The following OTUD3 variants were observed in gnomAD, a reference collection of about 807,000 sequenced individuals.
OTUD3 encodes the protein OTU domain-containing protein 3.
In OTUD3, 24 loss-of-function variants were observed where a neutral mutation model predicts 46.2. That is an observed-to-expected ratio of 0.52 (90% CI 0.38 to 0.73). The LOEUF is 0.73. OTUD3 is among the 30% of genes least tolerant of loss of function. OTUD3 has a pLI of 0.00. For missense variants in OTUD3, 455 were observed against 523.3 expected (o/e 0.87, Z 1.27); for synonymous variants, 189 against 195.4 (o/e 0.97, Z 0.27).
At chr1:19,895,529 A>T (rs1400704884) in intron 3 of OTUD3, among the ~76,000 whole-genome samples, 1 of 152,208 alleles carries the variant, frequency 6.6e-6, no homozygotes, top group East Asian at 1.9e-4. Flanking sequence ...TAAAGAATGC[A>T]GCCTTTTGTC....
At chr1:19,888,567 G>T (rs143308088) in intron 1 of OTUD3, among the ~76,000 whole-genome samples, 49 of 152,288 alleles carry the variant, frequency 3.2e-4, no homozygotes, top group African/African-American at 1.1e-3. Flanking sequence ...CTGCTGCCTA[G>T]GGGTAACTAT....
At chr1:19,883,437 A>G (rs1042252934) in intron 1 of OTUD3, among the ~76,000 whole-genome samples, 2 of 152,166 alleles carry the variant, frequency 1.3e-5, no homozygotes, top group Admixed American at 6.5e-5. Flanking sequence ...TGGAAGAAGG[A>G]AAAGGGTCAG....
intron 4 of OTUD3, among the ~76,000 whole-genome samples, chr1:19,899,155 C>A (rs11799685): frequency 0.068 from 10,371 of 152,136 alleles, 453 homozygotes; most frequent in African/African-American, 0.12. Flanking sequence ...GATTAGAATT[C>A]AAAATATGTA....
At chr1:19,900,018 G>A (rs529592460) in intron 4 of OTUD3, among the ~76,000 whole-genome samples, 4 of 152,102 alleles carry the variant, frequency 2.6e-5, no homozygotes, top group South Asian at 2.1e-4. Flanking sequence ...TCTGTCATTT[G>A]TCTTTTTGTT....
rs1033472820 is a variant in OTUD3 at position 19,912,438 on chromosome 1, A to T, written c.*4692A>T. The T allele has an allele frequency of 6.5e-5, 10 of 152,980 alleles. No individual in the cohort carries two copies. Among genetic ancestry groups the T allele is most frequent in the African/African-American group, 2.4e-4 (10 of 41,454 alleles). The allele number at this position is 152,980 out of a possible 1,614,324, so 9.5% of individuals were successfully genotyped here. On this transcript the variant is annotated 3_prime_UTR_variant, in exon 8 of 8. Coordinates refer to ENST00000375120, the MANE Select transcript of OTUD3 (RefSeq NM_015207.2). ...TCTTCCAGAGCCTCCACCAGCACTA[A>T]GCTCAGAGGAAAGAAGAAAAGGGCC...
rs1475817595 is a variant in OTUD3, at chr1:19,909,826, T to G, written c.*2080T>G. ...ATTAAAGAATATTGGGAACATTTAT[T>G]TTTTAAATTACCTAATTCTGGTAAT... On this transcript the variant is annotated 3_prime_UTR_variant, in exon 8 of 8. Coordinates refer to ENST00000375120, the MANE Select transcript of OTUD3 (RefSeq NM_015207.2). 6.6e-6 allele frequency: 1 copy of G among 152,378 alleles called. No individual in the cohort carries two copies. The highest frequency in any genetic ancestry group is 1.5e-5 in the Non-Finnish European group (1 of 68,044). The allele number at this position is 152,378 out of a possible 1,614,324, so 9.4% of individuals were successfully genotyped here. A position where few individuals can be genotyped will look rare whatever the true frequency, so the allele number is the denominator to read the frequency against.
In OTUD3 at chr1:19,909,182, G is replaced by C. The variant is rs933546625; in HGVS notation, c.*1436G>C. ...AATTATAAAAATTCGGAGGCAAATT[G>C]AAAACTAAAATGTTTGGTAGGCCCT... On this transcript the variant is annotated 3_prime_UTR_variant, in exon 8 of 8. Transcript: ENST00000375120. 1 of 152,004 alleles carries C rather than the reference G, an allele frequency of 6.6e-6. No individual in the cohort carries two copies. The highest frequency in any genetic ancestry group is 1.5e-5 in the Non-Finnish European group (1 of 68,022). 9.4% of individuals were successfully genotyped at this position (152,004 alleles called of 1,614,324 possible). A position where few individuals can be genotyped will look rare whatever the true frequency, so the allele number is the denominator to read the frequency against.
chr1:19,895,478 C>T (rs1225137160), intron 3 of OTUD3, among the ~76,000 whole-genome samples: 1 of 152,226 alleles, frequency 6.6e-6, no homozygotes, highest in African/African-American at 2.4e-5. Flanking sequence ...AGCCCATTCT[C>T]TGATTTGTCC....
chr1:19,885,185 C>T (rs1167594237), intron 1 of OTUD3, among the ~76,000 whole-genome samples: 1 of 152,174 alleles, frequency 6.6e-6, no homozygotes. Flanking sequence ...AAGCTAGGCT[C>T]CAGAAACCAG....
At chr1:19,898,162 G>C (rs538857662) in intron 4 of OTUD3, among the ~76,000 whole-genome samples, 8 of 151,832 alleles carry the variant, frequency 5.3e-5, no homozygotes, top group Non-Finnish European at 1.0e-4. Context: ...TGGTCATGCT[G>C]GTCTCAAGCT....
intron 1 of OTUD3, among the ~76,000 whole-genome samples, chr1:19,883,816 GT>G (rs2045314818): frequency 6.6e-6 from 1 of 152,182 alleles, no homozygotes; most frequent in Non-Finnish European, 1.5e-5. Context: ...AGAATAAGGT[GT>G]TTTAAAAATT....
At chr1:19,883,027 G>T (rs952416877) in intron 1 of OTUD3, among the ~76,000 whole-genome samples, 1 of 152,234 alleles carries the variant, frequency 6.6e-6, no homozygotes, top group Non-Finnish European at 1.5e-5. Context: ...ATTGTGGCCA[G>T]GAAGGGCTCT....
chr1:19,898,652 T>TG (rs2045548210), intron 4 of OTUD3, among the ~76,000 whole-genome samples: 1 of 150,102 alleles, frequency 6.7e-6, no homozygotes, highest in African/African-American at 2.5e-5. Context: ...CACTTGTACC[T>TG]GGGAGGTGGA....
Position 19,890,494 on chromosome 1 carries a change from G to C in OTUD3, c.331G>C (p.Glu111Gln). Residue 111 changes from glutamate to glutamine, a missense_variant, in exon 2 of 8, where the codon GAA (glutamate) becomes CAA (glutamine). Transcript: ENST00000375120. ...CATGATAAAGCAGCGGGAAGATTTT[G>C]AACCCTTTGTAGAAGATGACATTCC... ...DYMIKQREDFEPFVEDDIPFE... is the reference protein window; with the variant it reads ...DYMIKQREDFQPFVEDDIPFE... 5 of 1,613,948 alleles carry C rather than the reference G, an allele frequency of 3.1e-6. No homozygotes were observed. The highest frequency in any genetic ancestry group is 4.2e-6 in the Non-Finnish European group (5 of 1,179,838).
In OTUD3 at chr1:19,911,823, G is replaced by T. The variant is rs1345650574; in HGVS notation, c.*4077G>T. On this transcript the variant is annotated 3_prime_UTR_variant, in exon 8 of 8. Transcript: ENST00000375120. ...GAGAACACGGAGCACCAGTCACCAC[G>T]TGCACTTAGGATGCAGAGCTTACCG... 3 of 152,334 alleles carry T rather than the reference G, an allele frequency of 2.0e-5. No individual in the cohort carries two copies. Among genetic ancestry groups the T allele is most frequent in the Non-Finnish European group, 4.4e-5 (3 of 68,040 alleles). 9.4% of individuals were successfully genotyped at this position (152,334 alleles called of 1,614,324 possible).
At chr1:19,892,463 T>G (rs2045460093) in intron 2 of OTUD3, among the ~76,000 whole-genome samples, 1 of 152,174 alleles carries the variant, frequency 6.6e-6, no homozygotes, top group Non-Finnish European at 1.5e-5. Flanking sequence ...AGTGAATAAA[T>G]GAATGGTTCA....
chr1:19,897,909 T>A, intron 4 of OTUD3: 1 of 277,710 alleles, frequency 3.6e-6, no homozygotes, highest in Non-Finnish European at 6.6e-6. Flanking sequence ...ATACATGGAA[T>A]TTTAAAATTA....
rs1203706937 is a variant in OTUD3 at position 19,909,684 on chromosome 1, A to G, written c.*1938A>G. ...TTGTATGCCAGAAATTCAGATTAGCAGTCAGCTTAAGAGAGACTTATTGTC... is the reference window on the plus strand; with the variant it reads ...TTGTATGCCAGAAATTCAGATTAGCGGTCAGCTTAAGAGAGACTTATTGTC... On this transcript the variant is annotated 3_prime_UTR_variant, in exon 8 of 8. Transcript: ENST00000375120. 1 of 152,386 alleles carries G rather than the reference A, an allele frequency of 6.6e-6. No individual in the cohort carries two copies. Among genetic ancestry groups the G allele is most frequent in the Non-Finnish European group, 1.5e-5 (1 of 68,048 alleles). The allele number at this position is 152,386 out of a possible 1,614,324, so 9.4% of individuals were successfully genotyped here.
intron 3 of OTUD3, among the ~76,000 whole-genome samples, chr1:19,896,914 CT>C (rs1162825827): frequency 6.6e-6 from 1 of 152,064 alleles, no homozygotes; most frequent in African/African-American, 2.4e-5. Context: ...GGCCGTACTA[CT>C]TTATGTAATT....
Sources: gnomAD v4.1 joint callset for allele counts (sites outside exome capture counted in the v4.1 genomes callset) on GRCh38, gnomAD v4.1.1 for gene constraint, MANE v1.5 for transcripts, NCBI Gene and HGNC (gene_info 2026-07-23, HGNC 2026-07-21) for gene names.